Variants in PRKCA observed in about 807,000 individuals in gnomAD.
PRKCA encodes the protein protein kinase C alpha type.
Under a neutral mutation model 87.0 loss-of-function variants are expected in PRKCA, and 27 were observed. The ratio of observed to expected loss-of-function variants is 0.31; its 90% CI spans 0.23 to 0.43. PRKCA has a LOEUF of 0.43. PRKCA is among the 20% of genes least tolerant of loss of function. The pLI is 1.00. For synonymous variants in PRKCA, 329 were observed against 311.1 expected, an observed-to-expected ratio of 1.06 and a Z score of -0.61; for missense variants, 518 against 852.3, an observed-to-expected ratio of 0.61 and a Z score of 4.88.
chr17:66,708,185 A>G (rs1313573427), intron 8 of PRKCA, among the ~76,000 whole-genome samples: 1 of 152,208 alleles, frequency 6.6e-6, no homozygotes, highest in South Asian at 2.1e-4. Context: ...TCAGGAATTC[A>G]GGGAACTCGG....
At position 66,758,948 on chromosome 17, in the gene PRKCA, A is replaced by G. The variant is rs527336752; in HGVS notation, c.1525-15039A>G. 2.0e-5 allele frequency among the ~76,000 whole-genome samples: 3 copies of G among 152,296 alleles called. No homozygotes were observed. The South Asian group carries it at 6.2e-4, about 32-fold the overall frequency. On this transcript the variant is annotated intron_variant, in intron 13 of 16. Transcript: ENST00000413366. Reference sequence around the variant, plus strand: ...ATATTCTAGTGTGTGTGCATATCCTATGTATAAGTGAAATGAACGAGAGCA... The same window carrying G: ...ATATTCTAGTGTGTGTGCATATCCTGTGTATAAGTGAAATGAACGAGAGCA...
chr17:66,380,354 C>G (rs1438397280), intron 2 of PRKCA, among the ~76,000 whole-genome samples: 1 of 152,006 alleles, frequency 6.6e-6, no homozygotes, highest in Admixed American at 6.6e-5. Context: ...TGTATCTCCT[C>G]AGGTTCCTAA....
intron 16 of PRKCA, among the ~76,000 whole-genome samples, chr17:66,798,134 T>C (rs1053334923): frequency 6.6e-5 from 10 of 152,306 alleles, no homozygotes; most frequent in African/African-American, 2.2e-4. Context: ...CACTTGGCGT[T>C]CATGCAGTCA....
chr17:66,362,263 C>T (rs1908430768), intron 2 of PRKCA, among the ~76,000 whole-genome samples: 1 of 152,156 alleles, frequency 6.6e-6, no homozygotes, highest in Admixed American at 6.5e-5. Context: ...TCTTGAACTC[C>T]AGACCTCAGG....
chr17:66,595,644 G>A (rs1262716656), intron 3 of PRKCA, among the ~76,000 whole-genome samples: 1 of 151,742 alleles, frequency 6.6e-6, no homozygotes, highest in Non-Finnish European at 1.5e-5. Flanking sequence ...TGTATCTTTG[G>A]TAGAGACAGG....
At chr17:66,757,439 C>G (rs537886840) in intron 13 of PRKCA, among the ~76,000 whole-genome samples, 2 of 151,956 alleles carry the variant, frequency 1.3e-5, no homozygotes, top group South Asian at 2.1e-4. Context: ...TCAAACAAAA[C>G]AAAAAGCTAG....
At chr17:66,733,152 A>G (rs78158612) in intron 9 of PRKCA, among the ~76,000 whole-genome samples, 1 of 151,256 alleles carries the variant, frequency 6.6e-6, no homozygotes, top group Non-Finnish European at 1.5e-5. Context: ...CCGTCTCAAA[A>G]AAAAAAAAAA....
At chr17:66,731,532 A>T (rs1363767896) in intron 8 of PRKCA, among the ~76,000 whole-genome samples, 1 of 151,570 alleles carries the variant, frequency 6.6e-6, no homozygotes, top group Non-Finnish European at 1.5e-5. Flanking sequence ...GTGCTGGGAG[A>T]CTCAGCCCAC....
chr17:66,671,400 G>A (rs1972179564), intron 5 of PRKCA, among the ~76,000 whole-genome samples: 1 of 151,926 alleles, frequency 6.6e-6, no homozygotes, highest in Non-Finnish European at 1.5e-5. Flanking sequence ...CCTAGGTACT[G>A]CTTAATCTCT....
At chr17:66,618,664 G>A (rs1477338378) in intron 3 of PRKCA, among the ~76,000 whole-genome samples, 1 of 152,184 alleles carries the variant, frequency 6.6e-6, no homozygotes, top group African/African-American at 2.4e-5. Flanking sequence ...TATAGTATTT[G>A]AGACCTTACT....
intron 5 of PRKCA, among the ~76,000 whole-genome samples, chr17:66,665,127 A>G (rs1198704203): frequency 6.6e-6 from 1 of 152,174 alleles, no homozygotes; most frequent in Non-Finnish European, 1.5e-5. Context: ...GATGATACTG[A>G]TAATTACAGA....
intron 3 of PRKCA, among the ~76,000 whole-genome samples, chr17:66,514,990 T>C (rs1416493260): frequency 6.6e-6 from 1 of 152,018 alleles, no homozygotes; most frequent in African/African-American, 2.4e-5. Context: ...GTGCGGTGGC[T>C]CACATGCATA....
chr17:66,501,263 A>G (rs933714244), intron 3 of PRKCA, among the ~76,000 whole-genome samples: 22 of 152,204 alleles, frequency 1.4e-4, no homozygotes, highest in African/African-American at 4.6e-4. Context: ...GAGAGTATGC[A>G]TTAGTGCAGG....
At position 66,803,979 on chromosome 17, in the gene PRKCA, A is replaced by G; in HGVS notation, c.1961A>G (p.Glu654Gly). 2 of 1,614,042 alleles carry G rather than the reference A, an allele frequency of 1.2e-6. No individual in the cohort carries two copies. The highest frequency in any genetic ancestry group is 1.7e-6 in the Non-Finnish European group (2 of 1,179,998). ...GCTAACATAGACCAGTCTGATTTTGAAGGGTTCTCGTATGTCAACCCCCAG... is the reference window on the plus strand; with the variant it reads ...GCTAACATAGACCAGTCTGATTTTGGAGGGTTCTCGTATGTCAACCCCCAG... ...VIANIDQSDF[E>G]GFSYVNPQFV... is the part of the protein sequence containing the mutation. The change falls in exon 17 of 17, where the codon GAA becomes GGA. Residue 654 changes from glutamate to glycine, a missense_variant. Physicochemically the swap from Glu to Gly is moderately conservative, Grantham distance 98. Transcript: ENST00000413366. This position sits in a 1 kb window ranked among gnomAD's most constrained non-coding sequence, Gnocchi z 4.4.
chr17:66,582,900 A>T (rs1969487569), intron 3 of PRKCA, among the ~76,000 whole-genome samples: 1 of 152,136 alleles, frequency 6.6e-6, no homozygotes, highest in South Asian at 2.1e-4. Flanking sequence ...TGACCTAGGA[A>T]GTCAGCAGCA....
At chr17:66,336,841 T>G (rs1460110873) in intron 2 of PRKCA, among the ~76,000 whole-genome samples, 1 of 149,550 alleles carries the variant, frequency 6.7e-6, no homozygotes, top group East Asian at 2.1e-4. Flanking sequence ...CAGGCTGGAG[T>G]GCAGTGGCGT....
intron 3 of PRKCA, among the ~76,000 whole-genome samples, chr17:66,587,745 G>T (rs1165303933): frequency 9.4e-6 from 1 of 105,994 alleles, no homozygotes; most frequent in South Asian, 3.2e-4. Context: ...ATACGTATAT[G>T]TGTGTATATG....
At chr17:66,477,973 A>C (rs1915607377) in intron 2 of PRKCA, among the ~76,000 whole-genome samples, 1 of 152,184 alleles carries the variant, frequency 6.6e-6, no homozygotes, top group Non-Finnish European at 1.5e-5. Context: ...CTCTAAACCA[A>C]AAAGTACCCG....
chr17:66,438,282 G>A (rs147321077), intron 2 of PRKCA, among the ~76,000 whole-genome samples: 1 of 152,136 alleles, frequency 6.6e-6, no homozygotes, highest in African/African-American at 2.4e-5. Flanking sequence ...TATCAGCAAA[G>A]CAGCTCAGTA....
Sources: gnomAD v4.1 joint callset for allele counts (sites outside exome capture counted in the v4.1 genomes callset) on GRCh38, gnomAD v4.1.1 for gene constraint, Gnocchi (gnomAD v3.1) non-coding constraint, MANE v1.5 for transcripts, NCBI Gene and HGNC (gene_info 2026-07-23, HGNC 2026-07-21) for gene names.